SMG5: variants seen among roughly 807,000 people sequenced by gnomAD.
SMG5 encodes the protein nonsense-mediated mRNA decay factor SMG5.
Under a neutral mutation model 122.9 loss-of-function variants are expected in SMG5, and 53 were observed. The observed-to-expected ratio is 0.43, with a 90% CI of 0.35 to 0.54. SMG5 has a LOEUF of 0.54. Among genes scored for constraint, SMG5 ranks in the 20% least tolerant of loss-of-function variants. The probability of loss-of-function intolerance (pLI) is 0.01; values close to 1 mark genes in which losing one functional copy is unlikely to be tolerated. For synonymous variants in SMG5, 477 were observed against 490.2 expected, an observed-to-expected ratio of 0.97 and a Z score of 0.35; for missense variants, 1,153 against 1,285.6, an observed-to-expected ratio of 0.90 and a Z score of 1.58.
chr1:156,274,474 G>T, intron 5 of SMG5, 123 bp downstream of exon 5: 1 of 832,608 alleles, frequency 1.2e-6, no homozygotes, highest in Non-Finnish European at 2.0e-6. Context: ...GAGGGAAAAA[G>T]TTATCAGAAG....
chr1:156,285,838 G>T (rs1019713785), upstream of SMG5: 2 of 1,613,618 alleles, frequency 1.2e-6, no homozygotes, highest in Non-Finnish European at 1.7e-6. Context: ...TGGCCTCCGT[G>T]GGAGCCGCAC....
rs913079418 is a variant in SMG5 at position 156,253,492 on chromosome 1, C to T, written c.2459G>A (p.Arg820His). 9 of 1,614,044 alleles carry T rather than the reference C, an allele frequency of 5.6e-6. No individual in the cohort carries two copies. The East Asian group carries it at 8.9e-5, about 16-fold the overall frequency. ...AQFRMAQEEARRNRLMRDMAQ... is the reference protein window; with the variant it reads ...AQFRMAQEEAHRNRLMRDMAQ... ...CATGTCTCTCATGAGCCTGTTCCGACGAGCTTCCTCCTGTGCCTATGAGGG... is the reference window on the plus strand; with the variant it reads ...CATGTCTCTCATGAGCCTGTTCCGATGAGCTTCCTCCTGTGCCTATGAGGG... The change falls in exon 17 of 22, where the codon CGT becomes CAT. Residue 820 changes from arginine (R) to histidine (H), a missense_variant. Coordinates refer to ENST00000361813, the MANE Select transcript of SMG5 (RefSeq NM_015327.3).
At chr1:156,251,149 C>T in intron 20 of SMG5, 153 bp from the exon 21 acceptor site, 6 of 1,080,792 alleles carry the variant, frequency 5.6e-6, no homozygotes, top group Non-Finnish European at 6.7e-6. Context: ...ATATGGGGAG[C>T]AGGCAAAGGT....
chr1:156,250,327 G>A lies in SMG5; in HGVS notation c.*260C>T. On this transcript the variant is annotated 3_prime_UTR_variant, in exon 22 of 22. Coordinates refer to ENST00000361813, the MANE Select transcript of SMG5 (RefSeq NM_015327.3). ...CCCTGGAGACAGCAGGGGAGCTGAG[G>A]CAGGAAGGCTGGCCAGGGGCCCACA... The A allele has an allele frequency of 2.1e-6, 1 of 484,174 alleles. No homozygotes were observed. 30.0% of individuals were successfully genotyped at this position (484,174 alleles called of 1,614,324 possible).
chr1:156,289,351 G>T, the SMG5 span, among the ~76,000 whole-genome samples: 6 of 152,196 alleles, frequency 3.9e-5, no homozygotes, highest in African/African-American at 1.4e-4. Context: ...ATGGGCGCCT[G>T]TAATCCCAGC....
chr1:156,282,688 G>A lies in SMG5; in HGVS notation c.-8C>T. On this transcript the variant is annotated 5_prime_UTR_variant, in exon 1 of 22. Coordinates refer to ENST00000361813, the MANE Select transcript of SMG5 (RefSeq NM_015327.3). ...GGGGGGGCCTTGGCTCATGGTGCCCGGGTCCGGGGGCAGCTCCCGGTCACA... is the reference window on the plus strand; with the variant it reads ...GGGGGGGCCTTGGCTCATGGTGCCCAGGTCCGGGGGCAGCTCCCGGTCACA... 1 of 1,597,608 alleles carries A rather than the reference G, an allele frequency of 6.3e-7. No homozygotes were observed. The highest frequency in any genetic ancestry group is 8.5e-7 in the Non-Finnish European group (1 of 1,177,150).
intron 7 of SMG5, among the ~76,000 whole-genome samples, chr1:156,271,398 G>A (rs2101550291): frequency 6.6e-6 from 1 of 152,148 alleles, no homozygotes; most frequent in Middle Eastern, 3.4e-3. Context: ...GCACTGATTA[G>A]GTGACAAAGG....
intron 1 of SMG5, among the ~76,000 whole-genome samples, chr1:156,280,424 C>T (rs1450661779): frequency 6.6e-6 from 1 of 152,208 alleles, no homozygotes; most frequent in Admixed American, 6.5e-5. Context: ...GAAGTGACTG[C>T]CAGCACCCAG....
intron 1 of SMG5, 73 bp downstream of exon 1, chr1:156,282,534 G>A (rs1362730461): frequency 7.2e-6 from 9 of 1,255,132 alleles, no homozygotes; most frequent in Admixed American, 2.2e-5. Context: ...GGCCCCGCCC[G>A]CCCGGGAGGC....
intron 7 of SMG5, among the ~76,000 whole-genome samples, chr1:156,269,063 C>T (rs1258796140): frequency 3.3e-5 from 5 of 152,032 alleles, no homozygotes; most frequent in South Asian, 2.1e-4. Flanking sequence ...ATCCGCCTCC[C>T]GGGTTCAAGC....
intron 9 of SMG5, 39 bp from the exon 10 acceptor site, chr1:156,267,717 G>A: frequency 6.5e-7 from 1 of 1,542,382 alleles, no homozygotes; most frequent in East Asian, 2.3e-5. Flanking sequence ...GTCAGTGGTG[G>A]GGGCTGGGGA....
rs1376524469 is a variant in SMG5, at chr1:156,258,988, G to C, written c.2442+17C>G. ...CAATGGGAGCAGAGCTGACGGGGAG[G>C]GGAAGGCCTGACTCACCATTCGGAA... On this transcript the variant is annotated intron_variant, in intron 16 of 21. Coordinates refer to ENST00000361813, the MANE Select transcript of SMG5 (RefSeq NM_015327.3). The C allele has an allele frequency of 9.9e-6, 16 of 1,613,382 alleles. No individual in the cohort carries two copies. Among genetic ancestry groups the C allele is most frequent in the Non-Finnish European group, 1.4e-5 (16 of 1,179,758 alleles).
chr1:156,266,514 T>C lies in SMG5; in HGVS notation c.1255+27A>G, dbSNP rs762995629. ...CCCATGCCCCACACCAACCTTTCCA[T>C]AGTGATGACCTCCCCGATTCTCCCA... is the stretch of plus-strand genomic sequence containing the variant. On this transcript the variant is annotated intron_variant, in intron 11 of 21. Transcript: ENST00000361813. 5.6e-6 allele frequency: 9 copies of C among 1,614,008 alleles called. No homozygotes were observed. In the East Asian group the frequency reaches 1.3e-4, roughly 24 times the overall value.
At position 156,260,563 on chromosome 1, in the gene SMG5, GA is replaced by G. The variant is rs1661777152; in HGVS notation, c.2170del (p.Ser724LeufsTer36). On this transcript the variant is annotated frameshift_variant, in exon 15 of 22. Coordinates refer to ENST00000361813, the MANE Select transcript of SMG5 (RefSeq NM_015327.3). LOFTEE classifies it high-confidence loss of function. ...CATGTCCTCTGGGAGCAGAAGGCTA[GA>G]GGGGAGGTCAGGCAGTTCACAACCT... ...LEGCELPDLP[S>X]SLLLPEDMAL... The G allele has an allele frequency of 6.4e-7, 1 of 1,554,256 alleles. No homozygotes were observed. The highest frequency in any genetic ancestry group is 1.4e-5 in the African/African-American group (1 of 70,618).
chr1:156,262,296 T>C (rs1386122128), intron 13 of SMG5, among the ~76,000 whole-genome samples: 1 of 151,638 alleles, frequency 6.6e-6, no homozygotes, highest in Non-Finnish European at 1.5e-5. Flanking sequence ...CTGGCTAACA[T>C]GGTGAAACGC....
chr1:156,253,317 C>A, intron 17 of SMG5, 132 bp downstream of exon 17: 1 of 1,001,536 alleles, frequency 1.0e-6, no homozygotes, highest in South Asian at 1.4e-5. Context: ...TAAGGAGGGT[C>A]ATCTGGGAGA....
chr1:156,277,100 T>C lies in SMG5; in HGVS notation c.439A>G (p.Thr147Ala), dbSNP rs1662716546. 6.2e-7 allele frequency: 1 copy of C among 1,613,456 alleles called. No homozygotes were observed. The highest frequency in any genetic ancestry group is 1.7e-5 in the Admixed American group (1 of 59,966). Reference sequence around the variant, plus strand: ...TTCCACTGACCTATGAGGGGGTCAGTGACATGGGTCCAGTCGATGCAGCAC... The same window carrying C: ...TTCCACTGACCTATGAGGGGGTCAGCGACATGGGTCCAGTCGATGCAGCAC... Reference protein sequence around the residue: ...LQCCIDWTHVTDPLIGCKKPV... With the variant: ...LQCCIDWTHVADPLIGCKKPV... The change falls in exon 4 of 22, where the codon ACT becomes GCT. Residue 147 changes from threonine (T) to alanine (A), a missense_variant. Thr to Ala is a moderately conservative substitution (Grantham distance 58). Transcript: ENST00000361813.
Position 156,265,838 on chromosome 1 carries a change from T to A in SMG5, c.1798A>T (p.Thr600Ser), listed in dbSNP as rs1421435738. 6.2e-7 allele frequency: 1 copy of A among 1,613,816 alleles called. No homozygotes were observed. The highest frequency in any genetic ancestry group is 8.5e-7 in the Non-Finnish European group (1 of 1,179,944). ...LLLQPTTNPH[T>S]SASHRPCVNG... ...ACGCAAGGCCTGTGGCTGGCCGAGG[T>A]ATGAGGGTTGGTGGTGGGCTGGAGG... Residue 600 changes from threonine (T) to serine (S), a missense_variant, in exon 12 of 22, where the codon ACC (threonine) becomes TCC (serine). Thr to Ser is a moderately conservative substitution (Grantham distance 58). This residue lies in a region of SMG5 where 631 missense variants were observed against 650.6 expected (regional missense o/e 0.97). Transcript: ENST00000361813.
At chr1:156,266,402 G>A (rs751762238) in intron 11 of SMG5, 22 bp from the exon 12 acceptor site, 2 of 1,605,518 alleles carry the variant, frequency 1.2e-6, no homozygotes, top group Admixed American at 3.4e-5. Context: ...GGAAGGTCAG[G>A]TGGAGCCCGA....
Sources: gnomAD v4.1 joint callset for allele counts (sites outside exome capture counted in the v4.1 genomes callset) on GRCh38, gnomAD v4.1.1 for gene constraint, gnomAD v4.1.1 regional missense constraint, MANE v1.5 for transcripts, NCBI Gene and HGNC (gene_info 2026-07-23, HGNC 2026-07-21) for gene names.